The following KIDINS220 variants were observed in gnomAD, a reference collection of about 807,000 sequenced individuals.
The protein encoded by KIDINS220 is kinase D-interacting substrate of 220 kDa.
Under a neutral mutation model 157.6 loss-of-function variants are expected in KIDINS220, and 63 were observed. The observed-to-expected ratio is 0.40, with a 90% CI of 0.33 to 0.49. The LOEUF (loss-of-function observed/expected upper bound fraction) is 0.49. KIDINS220 is among the 20% of genes least tolerant of loss of function. KIDINS220 has a pLI of 0.66. For missense variants in KIDINS220, 1,772 were observed against 2,171.2 expected (o/e 0.82, Z 3.65); for synonymous variants, 732 against 783.6 (o/e 0.93, Z 1.10).
chr2:8,781,798 T>G (rs1009719473), intron 17 of KIDINS220, among the ~76,000 whole-genome samples: 3 of 152,236 alleles, frequency 2.0e-5, no homozygotes, highest in Non-Finnish European at 2.9e-5. Context: ...TAGCACTGAA[T>G]GCATATATTC....
At chr2:8,782,207 GAAGAA>G (rs1279803527) in intron 17 of KIDINS220, among the ~76,000 whole-genome samples, 1 of 151,872 alleles carries the variant, frequency 6.6e-6, no homozygotes, top group Non-Finnish European at 1.5e-5. Flanking sequence ...AAAGTAATCA[GAAGAA>G]AAGAAATAAT....
intron 11 of KIDINS220, among the ~76,000 whole-genome samples, chr2:8,795,181 C>G (rs1673737844): frequency 6.6e-6 from 1 of 152,204 alleles, no homozygotes; most frequent in Non-Finnish European, 1.5e-5. Flanking sequence ...AAATTTCCAT[C>G]ACCAGCCTTG....
intron 26 of KIDINS220, among the ~76,000 whole-genome samples, chr2:8,738,984 G>T (rs537591434): frequency 2.6e-5 from 4 of 152,002 alleles, no homozygotes; most frequent in Non-Finnish European, 4.4e-5. Flanking sequence ...CTCTACTTCC[G>T]ATTGTGCTAA....
chr2:8,744,408 A>ATATC (rs1666247014), intron 26 of KIDINS220, among the ~76,000 whole-genome samples: 1 of 35,926 alleles, frequency 2.8e-5, no homozygotes, highest in Non-Finnish European at 6.6e-5. Context: ...TATAATATAT[A>ATATC]TATATATATA....
downstream of KIDINS220, chr2:8,726,887 C>T: frequency 7.8e-7 from 1 of 1,286,528 alleles, no homozygotes; most frequent in Non-Finnish European, 1.0e-6. Context: ...TTTTACATAC[C>T]TTAGTTTAAT....
chr2:8,792,187 A>C (rs1003147564), intron 12 of KIDINS220, among the ~76,000 whole-genome samples: 8 of 152,200 alleles, frequency 5.3e-5, no homozygotes, highest in Non-Finnish European at 1.0e-4. Flanking sequence ...AACTTTAAAA[A>C]TCTTTGTTTA....
Position 8,817,187 on chromosome 2 carries a change from C to T in KIDINS220, c.306+431G>A, listed in dbSNP as rs2148395451. Among the ~76,000 whole-genome samples, 6 of 152,270 alleles carry T rather than the reference C, an allele frequency of 3.9e-5. 1 individual carries two copies. In the Middle Eastern group the frequency reaches 0.017, roughly 432 times the overall value. On this transcript the variant is annotated intron_variant, in intron 4 of 29. Transcript: ENST00000256707. The stretch of plus-strand genomic sequence containing the variant: ...CATCTTGTTAAACTTCTGTCATGCA[C>T]AGATAGCATGTCTGAAAATAATCAC...
At chr2:8,751,445 A>T in intron 23 of KIDINS220, 21 bp downstream of exon 23, 1 of 1,562,572 alleles carries the variant, frequency 6.4e-7, no homozygotes, top group Non-Finnish European at 8.7e-7. Context: ...ATGAAAAATT[A>T]AATTTACTAC....
chr2:8,773,370 G>C (rs1004140055), intron 21 of KIDINS220, among the ~76,000 whole-genome samples: 2 of 151,992 alleles, frequency 1.3e-5, no homozygotes, highest in Non-Finnish European at 2.9e-5. Flanking sequence ...ATGTTAATTT[G>C]GTCCTCTTTA....
At chr2:8,752,504 G>C (rs546032184) in intron 22 of KIDINS220, among the ~76,000 whole-genome samples, 3 of 152,126 alleles carry the variant, frequency 2.0e-5, no homozygotes, top group Non-Finnish European at 4.4e-5. Context: ...AGCTGGCTAA[G>C]GGTCACCCCT....
intron 6 of KIDINS220, among the ~76,000 whole-genome samples, chr2:8,810,062 G>A (rs764922886): frequency 5.9e-5 from 9 of 152,124 alleles, no homozygotes; most frequent in Non-Finnish European, 1.3e-4. Flanking sequence ...GGTACCTTGT[G>A]CTCTCATTTT....
chr2:8,725,821 C>T (rs1663248243), downstream of KIDINS220, among the ~76,000 whole-genome samples: 1 of 152,166 alleles, frequency 6.6e-6, no homozygotes, highest in South Asian at 2.1e-4. Context: ...CATTTACTCA[C>T]GTTCTAAGAA....
At position 8,751,485 on chromosome 2, in the gene KIDINS220, T is replaced by C. The variant is rs778228833; in HGVS notation, c.3171A>G (p.Lys1057=). Residue 1057 remains lysine, a synonymous_variant, in exon 23 of 30, where the codon AAA becomes AAG. Coordinates refer to ENST00000256707, the MANE Select transcript of KIDINS220 (RefSeq NM_020738.4). ...FLPCTVNLDP[K]LREIIADVRA... is the part of the protein sequence containing the mutation. Reference sequence around the variant, plus strand: ...ACCCACCTGCAATAATTTCCCGTAGTTTGGGATCTAGGTTTACAGTGCATG... The same window carrying C: ...ACCCACCTGCAATAATTTCCCGTAGCTTGGGATCTAGGTTTACAGTGCATG... The C allele has an allele frequency of 1.2e-6, 2 of 1,607,016 alleles. No homozygotes were observed. Among genetic ancestry groups the C allele is most frequent in the East Asian group, 2.2e-5 (1 of 44,844 alleles).
intron 1 of KIDINS220, among the ~76,000 whole-genome samples, chr2:8,832,595 G>A (rs1653344701): frequency 6.6e-6 from 1 of 152,154 alleles, no homozygotes; most frequent in Non-Finnish European, 1.5e-5. Context: ...TACCATGTAG[G>A]ACTAAAAGGA....
At chr2:8,827,550 C>T (rs1162935143) in intron 1 of KIDINS220, among the ~76,000 whole-genome samples, 2 of 152,216 alleles carry the variant, frequency 1.3e-5, no homozygotes, top group African/African-American at 4.8e-5. Flanking sequence ...CTGTAAAATA[C>T]ATTTCACATC....
chr2:8,817,568 G>T, intron 4 of KIDINS220, 50 bp downstream of exon 4: 1 of 1,013,592 alleles, frequency 9.9e-7, no homozygotes, highest in Non-Finnish European at 1.5e-6. Context: ...ACATATCTAT[G>T]ATTATAAATA....
At position 8,800,501 on chromosome 2, in the gene KIDINS220, A is replaced by G; in HGVS notation, c.802-3T>C. 5.0e-6 allele frequency: 8 copies of G among 1,590,910 alleles called. No homozygotes were observed. Among genetic ancestry groups the G allele is most frequent in the Non-Finnish European group, 6.8e-6 (8 of 1,167,964 alleles). ...CCAATCAACACAGTATCCCCACTCT[A>G]AGAAGACAGAAAATAAAAACAAAAA... On this transcript the variant is annotated splice_polypyrimidine_tract_variant and splice_region_variant and intron_variant, in intron 8 of 29. Coordinates refer to ENST00000256707, the MANE Select transcript of KIDINS220 (RefSeq NM_020738.4).
chr2:8,740,636 C>T (rs1665495897), intron 26 of KIDINS220, among the ~76,000 whole-genome samples: 1 of 152,148 alleles, frequency 6.6e-6, no homozygotes, highest in African/African-American at 2.4e-5. Flanking sequence ...TTCAGAAATA[C>T]ACTTTCAAAT....
chr2:8,808,236 A>G (rs1015270278), intron 6 of KIDINS220, among the ~76,000 whole-genome samples: 2 of 152,180 alleles, frequency 1.3e-5, no homozygotes, highest in African/African-American at 4.8e-5. Context: ...TCTTTTGCGG[A>G]TAATACTTAC....
Sources: gnomAD v4.1 joint callset for allele counts (sites outside exome capture counted in the v4.1 genomes callset) on GRCh38, gnomAD v4.1.1 for gene constraint, MANE v1.5 for transcripts, NCBI Gene and HGNC (gene_info 2026-07-23, HGNC 2026-07-21) for gene names.